BCL2L1: variants seen among roughly 807,000 people sequenced by gnomAD.
BCL2L1 encodes the protein bcl-2-like protein 1.
A neutral mutation model predicts 18.7 loss-of-function variants in BCL2L1; 1 was observed. The observed-to-expected ratio is 0.05, with a 90% CI of 0.02 to 0.25. BCL2L1 has a LOEUF of 0.25. BCL2L1 is among the 10% of genes least tolerant of loss of function. The probability of loss-of-function intolerance (pLI) is 1.00; values close to 1 mark genes in which losing one functional copy is unlikely to be tolerated. For synonymous variants in BCL2L1, 103 were observed against 122.7 expected, an observed-to-expected ratio of 0.84 and a Z score of 1.06; for missense variants, 207 against 304.9, an observed-to-expected ratio of 0.68 and a Z score of 2.39.
At chr20:31,678,303 G>A (rs2060796824) in intron 2 of BCL2L1, among the ~76,000 whole-genome samples, 1 of 152,184 alleles carries the variant, frequency 6.6e-6, no homozygotes, top group African/African-American at 2.4e-5. Context: ...AGAGTACTGG[G>A]CTGACAGTCA....
chr20:31,681,348 A>G (rs1013423656), intron 2 of BCL2L1, among the ~76,000 whole-genome samples: 6 of 152,126 alleles, frequency 3.9e-5, no homozygotes, highest in Non-Finnish European at 8.8e-5. Context: ...TTCAGAATTT[A>G]TTTTTTAAAG....
chr20:31,690,339 C>T (rs1211673731), intron 2 of BCL2L1, among the ~76,000 whole-genome samples: 2 of 152,106 alleles, frequency 1.3e-5, no homozygotes, highest in African/African-American at 2.4e-5. Flanking sequence ...CATCCTTCCA[C>T]CTCAGCCTCC....
At chr20:31,720,128 C>A (rs567572360) in intron 2 of BCL2L1, 7 of 985,294 alleles carry the variant, frequency 7.1e-6, no homozygotes, top group East Asian at 1.1e-4. Context: ...CTCCCCTGAC[C>A]CCACCCCAGT....
chr20:31,666,855 G>C (rs1294569715), intron 2 of BCL2L1, among the ~76,000 whole-genome samples: 1 of 152,186 alleles, frequency 6.6e-6, no homozygotes, highest in East Asian at 1.9e-4. Context: ...CCTCTGCCCT[G>C]AATCTAAGTC....
chr20:31,706,191 T>C (rs2061366227), intron 2 of BCL2L1, among the ~76,000 whole-genome samples: 1 of 152,166 alleles, frequency 6.6e-6, no homozygotes, highest in Non-Finnish European at 1.5e-5. Context: ...TAAGCAGCAC[T>C]GATCCTCGAT....
intron 2 of BCL2L1, among the ~76,000 whole-genome samples, chr20:31,697,892 G>GTTTTTTTTTTTTGTTTGTTTGTTT (rs1555871507): frequency 1.2e-4 from 15 of 129,650 alleles, no homozygotes; most frequent in Non-Finnish European, 1.7e-4. Flanking sequence ...TGCTGTTGCT[G>GTTTTTTTTTTTTGTTTGTTTGTTT]TTTTTTTTTT....
chr20:31,717,178 G>A (rs2061549976), intron 2 of BCL2L1, among the ~76,000 whole-genome samples: 1 of 152,230 alleles, frequency 6.6e-6, no homozygotes, highest in South Asian at 2.1e-4. Flanking sequence ...CAAAACCACA[G>A]TTGCTTCAAG....
intron 2 of BCL2L1, among the ~76,000 whole-genome samples, chr20:31,668,645 C>T (rs1188379960): frequency 7.0e-6 from 1 of 142,218 alleles, no homozygotes; most frequent in Admixed American, 7.4e-5. Flanking sequence ...ACCCTTGTTG[C>T]CCAGGCTGGA....
At chr20:31,690,449 A>G (rs2061044479) in intron 2 of BCL2L1, among the ~76,000 whole-genome samples, 1 of 152,180 alleles carries the variant, frequency 6.6e-6, no homozygotes. Context: ...ACAGAATAAA[A>G]CGAACCCATC....
intron 2 of BCL2L1, among the ~76,000 whole-genome samples, chr20:31,692,024 C>G (rs754340245): frequency 4.6e-5 from 7 of 152,244 alleles, no homozygotes; most frequent in Non-Finnish European, 8.8e-5. Context: ...TCTGTGTAAA[C>G]CCTACAACAA....
intron 2 of BCL2L1, chr20:31,713,257 C>A: frequency 3.0e-6 from 3 of 984,772 alleles, no homozygotes; most frequent in South Asian, 9.4e-5. Context: ...CTGGCAGAAC[C>A]AAGTAGAAAG....
intron 2 of BCL2L1, among the ~76,000 whole-genome samples, chr20:31,667,259 G>A (rs1354539320): frequency 1.3e-5 from 2 of 152,022 alleles, no homozygotes; most frequent in African/African-American, 4.8e-5. Flanking sequence ...TCAGGAGTTC[G>A]AGACCAGCCT....
intron 2 of BCL2L1, chr20:31,721,014 G>T (rs1279101660): frequency 2.0e-6 from 2 of 980,036 alleles, no homozygotes; most frequent in African/African-American, 1.8e-5. Flanking sequence ...CACTTTGGGG[G>T]AAATGAACTT....
At chr20:31,668,366 C>G (rs2060617661) in intron 2 of BCL2L1, among the ~76,000 whole-genome samples, 1 of 151,686 alleles carries the variant, frequency 6.6e-6, no homozygotes, top group Admixed American at 6.6e-5. Flanking sequence ...GTCCCCCAGG[C>G]TGGAGTGCAG....
chr20:31,697,432 A>T (rs1467960155), intron 2 of BCL2L1, among the ~76,000 whole-genome samples: 2 of 151,110 alleles, frequency 1.3e-5, no homozygotes, highest in African/African-American at 4.9e-5. Flanking sequence ...AATCTTTAAC[A>T]GGTGACTTTC....
At chr20:31,684,945 C>A (rs150404501) in intron 2 of BCL2L1, among the ~76,000 whole-genome samples, 1 of 152,224 alleles carries the variant, frequency 6.6e-6, no homozygotes, top group African/African-American at 2.4e-5. Flanking sequence ...GTGAATAGGG[C>A]AAGACAAGTG....
intron 2 of BCL2L1, among the ~76,000 whole-genome samples, chr20:31,685,618 C>T (rs1385516330): frequency 1.3e-5 from 2 of 152,126 alleles, no homozygotes; most frequent in African/African-American, 4.8e-5. Context: ...ATGGTCCTGT[C>T]AATTAAGCAC....
At chr20:31,697,345 TGAA>T (rs1477737115) in intron 2 of BCL2L1, among the ~76,000 whole-genome samples, 1 of 152,216 alleles carries the variant, frequency 6.6e-6, no homozygotes, top group Non-Finnish European at 1.5e-5. Flanking sequence ...AGAATATACA[TGAA>T]TGTTGGCTGG....
intron 2 of BCL2L1, among the ~76,000 whole-genome samples, chr20:31,672,682 G>A (rs1337929435): frequency 1.3e-5 from 2 of 152,194 alleles, no homozygotes; most frequent in Non-Finnish European, 2.9e-5. Context: ...GCAGCCAACT[G>A]AACGATGCAG....
Sources: allele counts gnomAD v4.1 joint callset (sites outside exome capture counted in the v4.1 genomes callset), GRCh38; gene constraint gnomAD v4.1.1; transcripts MANE v1.5; gene names NCBI Gene and HGNC (gene_info 2026-07-23, HGNC 2026-07-21).